Variants in SNTG1 observed in about 807,000 individuals in gnomAD.
SNTG1 encodes the protein gamma-1-syntrophin.
SNTG1 carries 39 observed loss-of-function variants against 74.7 expected under a neutral mutation model. The ratio of observed to expected loss-of-function variants is 0.52; its 90% CI spans 0.40 to 0.68. The LOEUF (loss-of-function observed/expected upper bound fraction) is 0.68, where lower values mean the gene tolerates loss of function less well. Ranked by LOEUF, SNTG1 falls within the 30% of genes least tolerant of loss-of-function variation. SNTG1 has a pLI of 0.00. For missense variants in SNTG1, 685 were observed against 609.5 expected (o/e 1.12, Z -1.30); for synonymous variants, 254 against 217.1 (o/e 1.17, Z -1.49).
intron 13 of SNTG1, among the ~76,000 whole-genome samples, chr8:50,597,448 T>C (rs1311007469): frequency 1.3e-5 from 2 of 150,554 alleles, no homozygotes; most frequent in Non-Finnish European, 3.0e-5. Context: ...ATGTTCTTTA[T>C]TCATTCATCT....
chr8:50,094,958 C>A (rs2079872524), intron 1 of SNTG1, among the ~76,000 whole-genome samples: 2 of 152,130 alleles, frequency 1.3e-5, no homozygotes, highest in South Asian at 4.1e-4. Context: ...ACATATACAC[C>A]ATAGACTATT....
intron 9 of SNTG1, among the ~76,000 whole-genome samples, chr8:50,510,747 G>A (rs1214587688): frequency 6.6e-6 from 1 of 151,978 alleles, no homozygotes; most frequent in Admixed American, 6.6e-5. Context: ...TATTTCTGTG[G>A]GATCGGTGGT....
At chr8:50,696,846 G>A (rs951971152) in intron 15 of SNTG1, among the ~76,000 whole-genome samples, 25 of 151,950 alleles carry the variant, frequency 1.6e-4, no homozygotes. Flanking sequence ...GCTTACTATA[G>A]ACATCTAGTA....
At chr8:50,074,908 G>T (rs203936) in intron 1 of SNTG1, among the ~76,000 whole-genome samples, 1 of 152,036 alleles carries the variant, frequency 6.6e-6, no homozygotes, top group Non-Finnish European at 1.5e-5. Context: ...CACTCGCGGC[G>T]CACGCGAGTT....
At chr8:49,924,221 ATACAG>A (rs991227173) in intron 1 of SNTG1, among the ~76,000 whole-genome samples, 5 of 152,234 alleles carry the variant, frequency 3.3e-5, no homozygotes, top group Admixed American at 1.3e-4. Flanking sequence ...GTATCTGAAA[ATACAG>A]TATTTCAGCC....
intron 1 of SNTG1, among the ~76,000 whole-genome samples, chr8:50,089,296 A>G (rs1260268892): frequency 3.3e-5 from 5 of 152,030 alleles, no homozygotes; most frequent in Admixed American, 1.3e-4. Flanking sequence ...CTAAAACCAT[A>G]AAAACCCTAG....
chr8:50,621,521 T>G (rs1490922133), intron 13 of SNTG1, among the ~76,000 whole-genome samples: 3 of 152,244 alleles, frequency 2.0e-5, no homozygotes, highest in African/African-American at 7.2e-5. Context: ...AGCAAAGATA[T>G]CAATTGCTTT....
chr8:50,376,185 A>C (rs764246088), intron 2 of SNTG1, among the ~76,000 whole-genome samples: 14 of 152,116 alleles, frequency 9.2e-5, no homozygotes, highest in Non-Finnish European at 2.1e-4. Flanking sequence ...CAGCTCAACA[A>C]ACCTTCCTAT....
intron 12 of SNTG1, among the ~76,000 whole-genome samples, chr8:50,572,216 G>T (rs945844993): frequency 2.0e-5 from 3 of 151,446 alleles, no homozygotes; most frequent in African/African-American, 7.3e-5. Flanking sequence ...TCGTCTCAGA[G>T]ACTTAGGATT....
At chr8:50,653,712 A>G (rs896751042) in intron 13 of SNTG1, among the ~76,000 whole-genome samples, 5 of 152,168 alleles carry the variant, frequency 3.3e-5, no homozygotes, top group African/African-American at 1.2e-4. Flanking sequence ...GACATTTGCT[A>G]AAGTTTTTAC....
rs555314061 is a variant in SNTG1 at position 50,189,833 on chromosome 8, A to G, written c.-28+17198A>G. ...TTCAAAAAACTATAAAAATAGAGAT[A>G]GGATTTTAACTTGATTTCAGTAGCA... On this transcript the variant is annotated intron_variant, in intron 2 of 18. Transcript: ENST00000642720. Among the ~76,000 whole-genome samples the G allele has an allele frequency of 3.3e-4, 50 of 152,348 alleles. 1 individual carries two copies. Among genetic ancestry groups the G allele is most frequent in the Middle Eastern group, 6.8e-3 (2 of 294 alleles).
At chr8:50,320,555 T>G (rs1406041029) in intron 2 of SNTG1, among the ~76,000 whole-genome samples, 1 of 152,024 alleles carries the variant, frequency 6.6e-6, no homozygotes, top group Non-Finnish European at 1.5e-5. Flanking sequence ...TTACTACTTT[T>G]GTGTTTGGTG....
intron 12 of SNTG1, among the ~76,000 whole-genome samples, chr8:50,590,038 T>A (rs1193450828): frequency 1.3e-5 from 2 of 152,180 alleles, no homozygotes; most frequent in Non-Finnish European, 2.9e-5. Flanking sequence ...CAACTTTGTG[T>A]ACTTTTTCTG....
chr8:50,612,834 A>G (rs552283029), intron 13 of SNTG1, among the ~76,000 whole-genome samples: 3 of 152,284 alleles, frequency 2.0e-5, no homozygotes, highest in African/African-American at 7.2e-5. Flanking sequence ...TAGGTGTAGC[A>G]TTTACCTTAC....
intron 9 of SNTG1, among the ~76,000 whole-genome samples, chr8:50,508,362 A>G (rs1206027440): frequency 6.6e-6 from 1 of 152,168 alleles, no homozygotes; most frequent in African/African-American, 2.4e-5. Context: ...GCTATTGTGA[A>G]TAGTGCCACA....
intron 2 of SNTG1, chr8:50,286,563 A>G (rs1436498659): frequency 6.6e-6 from 1 of 152,206 alleles, no homozygotes; most frequent in Non-Finnish European, 1.5e-5. Flanking sequence ...TTGTTACCAC[A>G]TACCTGTGTG....
chr8:50,391,398 G>A (rs1305157159), intron 2 of SNTG1, among the ~76,000 whole-genome samples: 2 of 152,176 alleles, frequency 1.3e-5, no homozygotes, highest in African/African-American at 4.8e-5. Flanking sequence ...TGTTGAACCA[G>A]CCTTGCCTAC....
intron 2 of SNTG1, among the ~76,000 whole-genome samples, chr8:50,312,065 A>G (rs1398205608): frequency 8.4e-6 from 1 of 119,120 alleles, no homozygotes; most frequent in Non-Finnish European, 1.9e-5. Flanking sequence ...ATGTTTTTGT[A>G]TGTTTTTAAA....
rs1286528702 is a variant in SNTG1 at position 50,376,748 on chromosome 8, T to TAG, written c.-27-17463_-27-17462insGA. The stretch of plus-strand genomic sequence containing the variant: ...AATAAATTATATATATATATATATA[T>TAG]ATATATATAGAGAGAGAGAGAGAGA... On this transcript the variant is annotated intron_variant, in intron 2 of 18. Coordinates refer to ENST00000642720, the MANE Select transcript of SNTG1 (RefSeq NM_018967.5). 3.7e-3 allele frequency among the ~76,000 whole-genome samples: 401 copies of TAG among 108,634 alleles called. 2 individuals carry two copies. The highest frequency in any genetic ancestry group is 9.2e-3 in the African/African-American group (291 of 31,662). The allele number at this position is 108,634 out of a possible 152,430, so 71.3% of individuals were successfully genotyped here.
Sources: gnomAD v4.1 joint callset for allele counts (sites outside exome capture counted in the v4.1 genomes callset) on GRCh38, gnomAD v4.1.1 for gene constraint, MANE v1.5 for transcripts, NCBI Gene and HGNC (gene_info 2026-07-23, HGNC 2026-07-21) for gene names.